ABCC4: variants seen among roughly 807,000 people sequenced by gnomAD.
ABCC4 encodes ATP binding cassette subfamily C member 4 (PEL blood group), also known as ATP-binding cassette sub-family C member 4.
In ABCC4, 102 loss-of-function variants were observed where a neutral mutation model predicts 168.5. The ratio of observed to expected loss-of-function variants is 0.61; its 90% CI spans 0.52 to 0.71. The LOEUF (loss-of-function observed/expected upper bound fraction) is 0.71, where lower values mean the gene tolerates loss of function less well. Ranked by LOEUF, ABCC4 falls within the 30% of genes least tolerant of loss-of-function variation. The pLI, the probability that ABCC4 is intolerant of heterozygous loss-of-function variation, is 0.00. For missense variants in ABCC4, 1,402 were observed against 1,605.8 expected, an observed-to-expected ratio of 0.87 and a Z score of 2.17; for synonymous variants, 617 against 590.7, an observed-to-expected ratio of 1.04 and a Z score of -0.65.
intron 25 of ABCC4, among the ~76,000 whole-genome samples, chr13:95,065,534 C>T (rs1263221556): frequency 6.6e-6 from 1 of 152,086 alleles, no homozygotes; most frequent in Non-Finnish European, 1.5e-5. Flanking sequence ...CATAATATTA[C>T]AGTATATATG....
intron 1 of ABCC4, among the ~76,000 whole-genome samples, chr13:95,292,030 T>G (rs1259951323): frequency 6.6e-6 from 1 of 152,122 alleles, no homozygotes. Context: ...TCCACTTGAA[T>G]GTGTAGCAGG....
intron 20 of ABCC4, among the ~76,000 whole-genome samples, chr13:95,113,188 C>T (rs2035261518): frequency 1.3e-5 from 2 of 152,164 alleles, no homozygotes; most frequent in South Asian, 4.1e-4. Flanking sequence ...AACAAAACAC[C>T]TCCCTCCTTC....
chr13:95,049,538 G>A (rs1461730436), intron 27 of ABCC4, among the ~76,000 whole-genome samples: 1 of 151,978 alleles, frequency 6.6e-6, no homozygotes, highest in Non-Finnish European at 1.5e-5. Context: ...CTACTCGGGA[G>A]GCTGAGGCAG....
At chr13:95,239,685 A>C (rs2039877695) in intron 3 of ABCC4, among the ~76,000 whole-genome samples, 1 of 152,232 alleles carries the variant, frequency 6.6e-6, no homozygotes, top group Non-Finnish European at 1.5e-5. Context: ...CAAAATATAC[A>C]GAACAAGCAA....
At position 95,020,135 on chromosome 13, in the gene ABCC4, G is replaced by T. The variant is rs1401703467; in HGVS notation, c.*1440C>A. The T allele has an allele frequency of 6.6e-6, 1 of 152,126 alleles. No individual in the cohort carries two copies. Among genetic ancestry groups the T allele is most frequent in the Non-Finnish European group, 1.5e-5 (1 of 68,034 alleles). 9.4% of individuals were successfully genotyped at this position (152,126 alleles called of 1,614,324 possible). A position where few individuals can be genotyped will look rare whatever the true frequency, so the allele number is the denominator to read the frequency against. On this transcript the variant is annotated 3_prime_UTR_variant, in exon 31 of 31. Transcript: ENST00000645237. ...GTACTAGGAGTTGAACAGCTACTACGGTCAATGTATTTTGGCAGTTAGCTG... is the reference window on the plus strand; with the variant it reads ...GTACTAGGAGTTGAACAGCTACTACTGTCAATGTATTTTGGCAGTTAGCTG...
intron 19 of ABCC4, among the ~76,000 whole-genome samples, chr13:95,154,505 G>A (rs191801673): frequency 7.2e-5 from 11 of 152,272 alleles, no homozygotes; most frequent in East Asian, 5.8e-4. Context: ...GAAACATAGC[G>A]AGTGATTTGG....
In ABCC4 at chr13:95,097,592, CTTTTT is replaced by C. The variant is rs56169430; in HGVS notation, c.2536-14307_2536-14303del. Among the ~76,000 whole-genome samples, 47 of 82,108 alleles carry C rather than the reference CTTTTT, an allele frequency of 5.7e-4. No homozygotes were observed. In the South Asian group the frequency reaches 6.8e-3, roughly 12 times the overall value. 53.9% of individuals were successfully genotyped at this position (82,108 alleles called of 152,430 possible). ...ACTCCACAGCTACAGAATATACATT[CTTTTT>C]TTTTTTTTTTTTTTTTTTTCAAATG... is the stretch of plus-strand genomic sequence containing the variant. On this transcript the variant is annotated intron_variant, in intron 20 of 30. Transcript: ENST00000645237.
intron 1 of ABCC4, among the ~76,000 whole-genome samples, chr13:95,274,832 T>A (rs2040933938): frequency 6.6e-6 from 1 of 152,142 alleles, no homozygotes; most frequent in African/African-American, 2.4e-5. Context: ...ATCCCAGCAC[T>A]TTGGGAGGCC....
At chr13:95,171,879 C>A (rs940187914) in intron 13 of ABCC4, among the ~76,000 whole-genome samples, 1 of 151,970 alleles carries the variant, frequency 6.6e-6, no homozygotes, top group African/African-American at 2.4e-5. Context: ...ATCTAGTATA[C>A]CTCTTCAGGT....
chr13:95,103,635 A>C (rs1047414774), intron 20 of ABCC4, among the ~76,000 whole-genome samples: 5 of 152,302 alleles, frequency 3.3e-5, no homozygotes, highest in Admixed American at 3.3e-4. Context: ...TTCATTAGCC[A>C]CACAAGGCAT....
intron 1 of ABCC4, among the ~76,000 whole-genome samples, chr13:95,296,729 G>C (rs1290038621): frequency 6.6e-6 from 1 of 152,166 alleles, no homozygotes; most frequent in South Asian, 2.1e-4. Flanking sequence ...AATGCAAAGT[G>C]CCTGCCGGGC....
intron 4 of ABCC4, among the ~76,000 whole-genome samples, chr13:95,212,800 T>TA (rs1235733596): frequency 6.6e-6 from 1 of 151,810 alleles, no homozygotes; most frequent in South Asian, 2.1e-4. Context: ...CCAGATAGGA[T>TA]AAAAAAAATC....
intron 20 of ABCC4, among the ~76,000 whole-genome samples, chr13:95,103,222 G>A (rs1043632336): frequency 4.6e-5 from 7 of 152,186 alleles, no homozygotes; most frequent in Admixed American, 3.3e-4. Flanking sequence ...CTGAGATCAC[G>A]CCACTGCACT....
chr13:95,025,334 ACC>A (rs1360737874), intron 30 of ABCC4, among the ~76,000 whole-genome samples: 1 of 13,390 alleles, frequency 7.5e-5, no homozygotes, highest in Non-Finnish European at 1.3e-4. Flanking sequence ...ACACCCACAC[ACC>A]CATACACACA....
rs150090028 is a variant in ABCC4 at position 95,066,914 on chromosome 13, G to A, written c.3211-4055C>T. On this transcript the variant is annotated intron_variant, in intron 25 of 30. Transcript: ENST00000645237. ...CATTTAATGCATGCTGTGGACATGC[G>A]TGAGTATAAGAAGGTGGCTAGGACA... 2.8e-3 allele frequency among the ~76,000 whole-genome samples: 424 copies of A among 152,320 alleles called. 6 individuals carry two copies. Among genetic ancestry groups the A allele is most frequent in the Admixed American group, 0.024 (374 of 15,292 alleles).
chr13:95,222,679 C>A (rs571163401), intron 4 of ABCC4, among the ~76,000 whole-genome samples: 1 of 152,220 alleles, frequency 6.6e-6, no homozygotes, highest in East Asian at 1.9e-4. Flanking sequence ...TCTCACCAGA[C>A]CAGAGTGCGG....
intron 27 of ABCC4, among the ~76,000 whole-genome samples, chr13:95,048,308 GA>G (rs1344147192): frequency 6.6e-6 from 1 of 152,084 alleles, no homozygotes; most frequent in Non-Finnish European, 1.5e-5. Context: ...TTGAAGCTTA[GA>G]AAAAATAGGA....
intron 11 of ABCC4, among the ~76,000 whole-genome samples, chr13:95,180,292 G>A (rs1376143993): frequency 1.3e-5 from 2 of 152,056 alleles, no homozygotes; most frequent in Non-Finnish European, 2.9e-5. Flanking sequence ...GGTGGCTCAC[G>A]CCTGTAATCC....
chr13:95,197,307 T>C (rs1470418417), intron 8 of ABCC4, among the ~76,000 whole-genome samples: 1 of 152,236 alleles, frequency 6.6e-6, no homozygotes, highest in Non-Finnish European at 1.5e-5. Context: ...TAACCTTGTC[T>C]AGACAGAATA....
Sources: gnomAD v4.1 joint callset for allele counts (sites outside exome capture counted in the v4.1 genomes callset) on GRCh38, gnomAD v4.1.1 for gene constraint, MANE v1.5 for transcripts, NCBI Gene and HGNC (gene_info 2026-07-23, HGNC 2026-07-21) for gene names.